TJP2: variants seen among roughly 807,000 people sequenced by gnomAD.
TJP2 encodes Friedreich ataxia region gene X104 (tight junction protein ZO-2).
A neutral mutation model predicts 133.1 loss-of-function variants in TJP2; 91 were observed. The ratio of observed to expected loss-of-function variants is 0.68; its 90% confidence interval spans 0.58 to 0.81. TJP2 has a LOEUF of 0.81. Ranked by LOEUF, TJP2 falls within the 40% of genes least tolerant of loss-of-function variation. The pLI, the probability that TJP2 is intolerant of heterozygous loss-of-function variation, is 0.00. For missense variants in TJP2, 1,541 were observed against 1,565.6 expected, an observed-to-expected ratio of 0.98 and a Z score of 0.26; for synonymous variants, 592 against 583.4, an observed-to-expected ratio of 1.01 and a Z score of -0.21.
At chr9:69,212,050 C>T (rs1233955536) in intron 1 of TJP2, among the ~76,000 whole-genome samples, 4 of 152,166 alleles carry the variant, frequency 2.6e-5, no homozygotes, top group African/African-American at 9.7e-5. Flanking sequence ...ATTCATCTTT[C>T]ATACTCAGTG....
intron 22 of TJP2, chr9:69,253,595 G>A (rs1284454369): frequency 1.8e-5 from 3 of 166,194 alleles, no homozygotes; most frequent in Admixed American, 5.6e-5. Context: ...TGGGATTACA[G>A]GTGTGTGCCA....
chr9:69,135,691 C>T (rs1392522377), intron 1 of TJP2, among the ~76,000 whole-genome samples: 2 of 151,994 alleles, frequency 1.3e-5, no homozygotes, highest in Admixed American at 1.3e-4. Context: ...CTGCAACCTC[C>T]ACCTCCCGGG....
In TJP2 at chr9:69,243,038, A is replaced by AT. The variant is rs1266118661; in HGVS notation, c.2566+2897dup. The stretch of plus-strand genomic sequence containing the variant: ...ACCACCATGCCTGGGTAATTTTTGT[A>AT]TTTTTTCTGGCAACAGGGTTTACCC... On this transcript the variant is annotated intron_variant, in intron 17 of 22. Coordinates refer to ENST00000377245, the MANE Select transcript of TJP2 (RefSeq NM_004817.4). Among the ~76,000 whole-genome samples, 5 of 151,266 alleles carry AT rather than the reference A, an allele frequency of 3.3e-5. No homozygotes were observed. In the East Asian group the frequency reaches 7.8e-4, roughly 23 times the overall value.
intron 19 of TJP2, chr9:69,248,673 T>A: frequency 1.9e-6 from 2 of 1,031,492 alleles, no homozygotes; most frequent in African/African-American, 3.4e-5. Flanking sequence ...TCAGTTTCCT[T>A]CTCTCTTATA....
At chr9:69,246,429 G>A (rs1830931228) in intron 17 of TJP2, 2 of 444,856 alleles carry the variant, frequency 4.5e-6, no homozygotes, top group Non-Finnish European at 8.3e-6. Flanking sequence ...TTAAAAGTTA[G>A]CCTTTCTGAA....
At chr9:69,206,796 C>A (rs1827455854) in intron 1 of TJP2, among the ~76,000 whole-genome samples, 1 of 152,178 alleles carries the variant, frequency 6.6e-6, no homozygotes, top group Non-Finnish European at 1.5e-5. Flanking sequence ...TCAGTATGGT[C>A]TTGATCTCCT....
intron 1 of TJP2, among the ~76,000 whole-genome samples, chr9:69,184,275 A>G (rs956555332): frequency 6.6e-6 from 1 of 152,214 alleles, no homozygotes; most frequent in Non-Finnish European, 1.5e-5. Flanking sequence ...GAGATGCGCA[A>G]AAAATGGAAG....
Position 69,252,886 on chromosome 9 carries a change from G to A in TJP2, c.3393G>A (p.Thr1131=), listed in dbSNP as rs374945852. The change falls in exon 22 of 23, where the codon ACG becomes ACA. Residue 1131 remains threonine (T), a synonymous_variant. Coordinates refer to ENST00000377245, the MANE Select transcript of TJP2 (RefSeq NM_004817.4). ...AAACGCACAAGCCAGACCCTGGCACGCCCCAGCACACGAGGTAAGGGCTGC... is the reference window on the plus strand; with the variant it reads ...AAACGCACAAGCCAGACCCTGGCACACCCCAGCACACGAGGTAAGGGCTGC... ...PIKTHKPDPG[T]PQHTSSRPPE... The A allele has an allele frequency of 3.4e-5, 55 of 1,614,036 alleles. No individual in the cohort carries two copies. Among genetic ancestry groups the A allele is most frequent in the East Asian group, 4.5e-5 (2 of 44,898 alleles).
chr9:69,229,303 T>C, intron 10 of TJP2, 53 bp downstream of exon 10: 2 of 1,566,674 alleles, frequency 1.3e-6, no homozygotes, highest in Non-Finnish European at 1.8e-6. Context: ...GCTCTGTCTC[T>C]GTAACTGAAA....
chr9:69,219,112 G>C lies in TJP2; in HGVS notation c.342+753G>C, dbSNP rs185289954. The stretch of plus-strand genomic sequence containing the variant: ...AGCCTCCCGAGTAGCTGGGATTACA[G>C]GCATGCACCACCACACCTGTCTAAT... On this transcript the variant is annotated intron_variant, in intron 4 of 22. Transcript: ENST00000377245. Among the ~76,000 whole-genome samples, 119 of 152,152 alleles carry C rather than the reference G, an allele frequency of 7.8e-4. 1 individual carries two copies. In the East Asian group the frequency reaches 0.012, roughly 16 times the overall value.
At position 69,246,720 on chromosome 9, in the gene TJP2, G is replaced by A. The variant is rs1830953930; in HGVS notation, c.2597G>A (p.Ser866Asn). Residue 866 changes from serine (S) to asparagine (N), a missense_variant, in exon 18 of 23, where the codon AGC (serine) becomes AAC (asparagine). Transcript: ENST00000377245. ...ATINLNSAND[S>N]WFGSLKDTIQ... Reference sequence around the variant, plus strand: ...ATCAACCTAAATTCAGCCAATGATAGCTGGTTTGGCAGCTTAAAGGACACT... The same window carrying A: ...ATCAACCTAAATTCAGCCAATGATAACTGGTTTGGCAGCTTAAAGGACACT... The A allele has an allele frequency of 6.2e-7, 1 of 1,613,968 alleles. No individual in the cohort carries two copies. Among genetic ancestry groups the A allele is most frequent in the Admixed American group, 1.7e-5 (1 of 59,998 alleles).
chr9:69,176,485 G>C (rs1300866417), intron 1 of TJP2, among the ~76,000 whole-genome samples: 3 of 152,118 alleles, frequency 2.0e-5, no homozygotes, highest in Non-Finnish European at 4.4e-5. Context: ...AGGCCTTGAA[G>C]GCCATAACGA....
At chr9:69,238,908 C>T in intron 16 of TJP2, 119 bp downstream of exon 16, 2 of 927,190 alleles carry the variant, frequency 2.2e-6, no homozygotes, top group Non-Finnish European at 1.7e-6. Flanking sequence ...AAAAAATTGG[C>T]CGGGCACAGT....
At chr9:69,135,161 ACACT>A (rs1393471609) in intron 1 of TJP2, among the ~76,000 whole-genome samples, 2 of 152,146 alleles carry the variant, frequency 1.3e-5, no homozygotes, top group Non-Finnish European at 2.9e-5. Context: ...GGAGATACAA[ACACT>A]CAGTCCTTAG....
At chr9:69,177,547 T>A (rs1825184830) in intron 1 of TJP2, among the ~76,000 whole-genome samples, 1 of 152,204 alleles carries the variant, frequency 6.6e-6, no homozygotes, top group Non-Finnish European at 1.5e-5. Flanking sequence ...ACTATTAAAC[T>A]TTTTGAAAAG....
chr9:69,216,955 A>G lies in TJP2; in HGVS notation c.239+492A>G, dbSNP rs369670397. ...CTTTCTGACCTGAAGAAGTAACACC[A>G]TTTTATTTTAATTTTTAATAAATTT... On this transcript the variant is annotated intron_variant, in intron 3 of 22. Transcript: ENST00000377245. 1.7e-4 allele frequency among the ~76,000 whole-genome samples: 26 copies of G among 149,414 alleles called. No homozygotes were observed. The East Asian group carries it at 4.0e-3, about 23-fold the overall frequency.
rs1283560093 is a variant in TJP2 at position 69,218,299 on chromosome 9, G to T, written c.282G>T (p.Glu94Asp). 2 of 1,614,088 alleles carry T rather than the reference G, an allele frequency of 1.2e-6. No homozygotes were observed. Among genetic ancestry groups the T allele is most frequent in the East Asian group, 4.5e-5 (2 of 44,902 alleles). ...RVVMVNGTPM[E>D]DVLHSFAVQQ... ...TCATGGTCAATGGCACCCCCATGGAGGATGTGCTTCATTCGTTTGCAGTTC... is the reference window on the plus strand; with the variant it reads ...TCATGGTCAATGGCACCCCCATGGATGATGTGCTTCATTCGTTTGCAGTTC... Residue 94 changes from glutamate to aspartate, a missense_variant, in exon 4 of 23, where the codon GAG becomes GAT. Physicochemically the swap from Glu to Asp is conservative, Grantham distance 45 (BLOSUM62 2). Transcript: ENST00000377245.
At chr9:69,144,689 A>G (rs1222491806) in intron 1 of TJP2, among the ~76,000 whole-genome samples, 2 of 152,216 alleles carry the variant, frequency 1.3e-5, no homozygotes, top group African/African-American at 4.8e-5. Flanking sequence ...GAGTGATGTC[A>G]TGACATTTTT....
intron 20 of TJP2, 52 bp from the exon 21 acceptor site, chr9:69,250,983 T>G (rs1831286488): frequency 6.5e-7 from 1 of 1,533,658 alleles, no homozygotes; most frequent in Admixed American, 1.7e-5. Flanking sequence ...TAATATAGAT[T>G]TGAAAATAAA....
Sources: allele counts gnomAD v4.1 joint callset (sites outside exome capture counted in the v4.1 genomes callset), GRCh38; gene constraint gnomAD v4.1.1; transcripts MANE v1.5; gene names NCBI Gene and HGNC (gene_info 2026-07-23, HGNC 2026-07-21).